The following SLC24A3 variants were observed in gnomAD, a reference collection of about 807,000 sequenced individuals.
The protein encoded by SLC24A3 is sodium/potassium/calcium exchanger 3.
In SLC24A3, 28 loss-of-function variants were observed where a neutral mutation model predicts 75.8. That is an observed-to-expected ratio of 0.37 (90% CI 0.27 to 0.51). The LOEUF is 0.51. Among genes scored for constraint, SLC24A3 ranks in the 20% least tolerant of loss-of-function variants. The pLI, the probability that SLC24A3 is intolerant of heterozygous loss-of-function variation, is 0.94. For synonymous variants in SLC24A3, 372 were observed against 334.1 expected (o/e 1.11, Z -1.24); for missense variants, 663 against 847.8 (o/e 0.78, Z 2.71).
At chr20:19,503,492 A>T (rs1247939571) in intron 2 of SLC24A3, among the ~76,000 whole-genome samples, 1 of 152,212 alleles carries the variant, frequency 6.6e-6, no homozygotes, top group African/African-American at 2.4e-5. Context: ...CTACCCTTAA[A>T]AGAGTTTCAG....
At chr20:19,213,882 C>T (rs1485130507) in intron 1 of SLC24A3, among the ~76,000 whole-genome samples, 1 of 152,064 alleles carries the variant, frequency 6.6e-6, no homozygotes, top group Non-Finnish European at 1.5e-5. Flanking sequence ...TATATCCCGG[C>T]CGTGGAAGTG....
At chr20:19,322,606 C>T (rs574105281) in intron 2 of SLC24A3, among the ~76,000 whole-genome samples, 1 of 152,294 alleles carries the variant, frequency 6.6e-6, no homozygotes, top group East Asian at 1.9e-4. Context: ...CTCTAGCCTG[C>T]ATCTACTTGT....
At chr20:19,450,202 A>G (rs1987456309) in intron 2 of SLC24A3, among the ~76,000 whole-genome samples, 2 of 152,232 alleles carry the variant, frequency 1.3e-5, no homozygotes, top group South Asian at 2.1e-4. Context: ...GCTTCAGACA[A>G]CATGATGGCA....
intron 6 of SLC24A3, among the ~76,000 whole-genome samples, chr20:19,650,356 T>G (rs373224856): frequency 6.6e-6 from 1 of 152,176 alleles, no homozygotes; most frequent in Non-Finnish European, 1.5e-5. Flanking sequence ...AGTGGATAAT[T>G]TGTGATATAT....
intron 2 of SLC24A3, among the ~76,000 whole-genome samples, chr20:19,434,517 G>A (rs775214179): frequency 2.0e-5 from 3 of 152,230 alleles, no homozygotes; most frequent in Non-Finnish European, 4.4e-5. Flanking sequence ...TGCACTGTTA[G>A]CATTGGTGCA....
intron 1 of SLC24A3, among the ~76,000 whole-genome samples, chr20:19,246,974 T>C (rs1478384605): frequency 1.3e-5 from 2 of 152,214 alleles, no homozygotes; most frequent in East Asian, 1.9e-4. Flanking sequence ...AGAGTGATCA[T>C]TGTCATCCCT....
At chr20:19,366,143 G>A (rs1985886926) in intron 2 of SLC24A3, among the ~76,000 whole-genome samples, 1 of 152,092 alleles carries the variant, frequency 6.6e-6, no homozygotes, top group South Asian at 2.1e-4. Flanking sequence ...GGTTTTTGGT[G>A]GTGGTGGTAG....
intron 3 of SLC24A3, among the ~76,000 whole-genome samples, chr20:19,528,798 G>T (rs1266793889): frequency 2.0e-5 from 3 of 152,166 alleles, no homozygotes; most frequent in African/African-American, 7.2e-5. Context: ...TAGGCAGAGG[G>T]GGTATTTTTG....
intron 3 of SLC24A3, among the ~76,000 whole-genome samples, chr20:19,519,693 C>T (rs1465419971): frequency 6.6e-6 from 1 of 152,050 alleles, no homozygotes; most frequent in East Asian, 1.9e-4. Context: ...AAATTTGCAC[C>T]CTATAGATTC....
Position 19,693,400 on chromosome 20 carries a change from C to G in SLC24A3, c.1466C>G (p.Ala489Gly), listed in dbSNP as rs1205466852. ...TFASSTLWIAAFSYMMVWMVT... is the reference protein window; with the variant it reads ...TFASSTLWIAGFSYMMVWMVT... ...GCTTCCTCCACGCTGTGGATCGCAG[C>G]CTTCTCCTACATGATGGTGTGGATG... The change falls in exon 13 of 17, where the codon GCC (alanine) becomes GGC (glycine). Residue 489 changes from alanine (A) to glycine (G), a missense_variant. Transcript: ENST00000328041. The G allele has an allele frequency of 6.2e-7, 1 of 1,614,064 alleles. No homozygotes were observed. The highest frequency in any genetic ancestry group is 1.1e-5 in the South Asian group (1 of 91,064).
intron 2 of SLC24A3, among the ~76,000 whole-genome samples, chr20:19,297,340 T>C (rs951154068): frequency 2.0e-5 from 3 of 152,196 alleles, no homozygotes; most frequent in Non-Finnish European, 4.4e-5. Flanking sequence ...TTCTGACATA[T>C]AGTAAACCTT....
chr20:19,550,519 C>A (rs2030675029), intron 3 of SLC24A3, among the ~76,000 whole-genome samples: 1 of 152,110 alleles, frequency 6.6e-6, no homozygotes, highest in Admixed American at 6.5e-5. Context: ...GCAACTAAAT[C>A]ACAATTAGAG....
chr20:19,280,909 G>C (rs1289702860), intron 1 of SLC24A3, 50 bp from the exon 2 acceptor site: 1 of 1,596,518 alleles, frequency 6.3e-7, no homozygotes, highest in Non-Finnish European at 8.5e-7. Context: ...GTCGGCAGAG[G>C]CTGAAACCCA....
intron 3 of SLC24A3, among the ~76,000 whole-genome samples, chr20:19,559,431 A>T (rs1228720612): frequency 6.6e-6 from 1 of 152,168 alleles, no homozygotes; most frequent in Non-Finnish European, 1.5e-5. Context: ...TCTTAGCAGC[A>T]TCTGTTGGAG....
chr20:19,256,465 A>G (rs1224382412), intron 1 of SLC24A3, among the ~76,000 whole-genome samples: 1 of 152,160 alleles, frequency 6.6e-6, no homozygotes, highest in African/African-American at 2.4e-5. Context: ...TACACGTTAC[A>G]TGGGTGAATT....
chr20:19,429,424 G>A (rs577198481), intron 2 of SLC24A3, among the ~76,000 whole-genome samples: 13 of 152,336 alleles, frequency 8.5e-5, no homozygotes, highest in South Asian at 2.1e-4. Flanking sequence ...ATGGTGCAAA[G>A]CCTTGAAAGA....
At chr20:19,385,171 TA>T (rs1299548432) in intron 2 of SLC24A3, among the ~76,000 whole-genome samples, 1 of 152,250 alleles carries the variant, frequency 6.6e-6, no homozygotes, top group East Asian at 1.9e-4. Flanking sequence ...CTGTATTTAC[TA>T]TTGTTGCCTA....
intron 3 of SLC24A3, among the ~76,000 whole-genome samples, chr20:19,536,906 C>T (rs1356795004): frequency 1.3e-5 from 2 of 152,150 alleles, no homozygotes; most frequent in Non-Finnish European, 2.9e-5. Flanking sequence ...CATGTTACAC[C>T]TAAAACCATA....
At chr20:19,612,790 G>A (rs1265848736) in intron 6 of SLC24A3, among the ~76,000 whole-genome samples, 1 of 152,072 alleles carries the variant, frequency 6.6e-6, no homozygotes, top group Non-Finnish European at 1.5e-5. Context: ...TCATCTCCTG[G>A]TGGGTGCTCT....
Sources: allele counts gnomAD v4.1 joint callset (sites outside exome capture counted in the v4.1 genomes callset), GRCh38; gene constraint gnomAD v4.1.1; transcripts MANE v1.5; gene names NCBI Gene and HGNC (gene_info 2026-07-23, HGNC 2026-07-21).